The following NTRK3 variants were observed in gnomAD, a reference collection of about 807,000 sequenced individuals.
NTRK3 encodes the protein NT-3 growth factor receptor.
A neutral mutation model predicts 91.7 loss-of-function variants in NTRK3; 24 were observed. That is an observed-to-expected ratio of 0.26 (90% CI 0.19 to 0.37). NTRK3 has a LOEUF of 0.37. Among genes scored for constraint, NTRK3 ranks in the 10% least tolerant of loss-of-function variants. The pLI, the probability that NTRK3 is intolerant of heterozygous loss-of-function variation, is 1.00. For missense variants in NTRK3, 880 were observed against 1,068.9 expected (o/e 0.82, Z 2.46); for synonymous variants, 483 against 404.0 (o/e 1.20, Z -2.34).
chr15:88,030,603 G>A (rs2078444316), intron 14 of NTRK3, among the ~76,000 whole-genome samples: 1 of 152,136 alleles, frequency 6.6e-6, no homozygotes. Flanking sequence ...CACAGATTCT[G>A]TATTTGGGAA....
In NTRK3 at chr15:88,241,313, C is replaced by T. The variant is rs1220978477; in HGVS notation, c.248+14593G>A. On this transcript the variant is annotated intron_variant, in intron 3 of 18. Transcript: ENST00000394480. This position sits in a 1 kb window ranked among gnomAD's most constrained non-coding sequence, Gnocchi z 4.3. Reference sequence around the variant, plus strand: ...TGCCCAGACAGCAGGCAACAGCAGTCCTGAGTGAGTGACAGAAGGAGGGCA... The same window carrying T: ...TGCCCAGACAGCAGGCAACAGCAGTTCTGAGTGAGTGACAGAAGGAGGGCA... Among the ~76,000 whole-genome samples the T allele has an allele frequency of 2.0e-5, 3 of 152,098 alleles. No individual in the cohort carries two copies. Among genetic ancestry groups the T allele is most frequent in the Admixed American group, 2.0e-4 (3 of 15,276 alleles).
chr15:88,151,304 G>T (rs1473580272), intron 5 of NTRK3, among the ~76,000 whole-genome samples: 1 of 152,142 alleles, frequency 6.6e-6, no homozygotes, highest in Admixed American at 6.5e-5. Flanking sequence ...GGGGTCCAGA[G>T]GTAGTAAACA....
intron 15 of NTRK3, among the ~76,000 whole-genome samples, chr15:87,939,047 T>C (rs1403606816): frequency 6.6e-6 from 1 of 152,196 alleles, no homozygotes; most frequent in African/African-American, 2.4e-5. Context: ...TGTATTGTTA[T>C]GCTGCTTTCC....
rs540239958 is a variant in NTRK3, at chr15:88,015,410, C to G, written c.1585+17447G>C. 2.0e-4 allele frequency among the ~76,000 whole-genome samples: 31 copies of G among 152,272 alleles called. 1 individual carries two copies. In the East Asian group the frequency reaches 5.8e-3, roughly 29 times the overall value. On this transcript the variant is annotated intron_variant, in intron 14 of 18. Coordinates refer to ENST00000394480, the Ensembl canonical transcript of NTRK3. ...CCCTGCCCCCACCAAACCCTGCCCC[C>G]TGTCTGCCTCCTGCTACTGCTACGG... is the stretch of plus-strand genomic sequence containing the variant.
intron 13 of NTRK3, among the ~76,000 whole-genome samples, chr15:88,118,960 G>T (rs778491419): frequency 9.9e-5 from 15 of 152,214 alleles, no homozygotes; most frequent in Non-Finnish European, 1.8e-4. Context: ...TGGCCCTGCT[G>T]AACAGGATAG....
chr15:88,176,156 GA>G (rs2045976228), intron 5 of NTRK3, among the ~76,000 whole-genome samples: 2 of 24,240 alleles, frequency 8.3e-5, no homozygotes, highest in East Asian at 1.0e-3. Flanking sequence ...TTTTTTTTTT[GA>G]GACAGAGTCT....
intron 13 of NTRK3, among the ~76,000 whole-genome samples, chr15:88,071,671 C>T (rs766857754): frequency 6.6e-6 from 1 of 152,168 alleles, no homozygotes; most frequent in Non-Finnish European, 1.5e-5. Flanking sequence ...TAGCTAGGAT[C>T]GCTGAGGGAG....
At chr15:88,201,769 T>A (rs112138987) in intron 3 of NTRK3, among the ~76,000 whole-genome samples, 2 of 152,284 alleles carry the variant, frequency 1.3e-5, no homozygotes, top group African/African-American at 4.8e-5. Context: ...GCCACCATGA[T>A]GTTGGGCTTT....
intron 17 of NTRK3, among the ~76,000 whole-genome samples, chr15:87,894,025 T>G (rs1475441135): frequency 3.3e-5 from 5 of 152,236 alleles, no homozygotes; most frequent in Non-Finnish European, 5.9e-5. Context: ...ATAAAGGGTG[T>G]CATTTATGGT....
At position 88,026,242 on chromosome 15, in the gene NTRK3, G is replaced by A. The variant is rs189098248; in HGVS notation, c.1585+6615C>T. 2.2e-4 allele frequency among the ~76,000 whole-genome samples: 33 copies of A among 152,282 alleles called. 1 individual carries two copies. In the East Asian group the frequency reaches 6.2e-3, roughly 28 times the overall value. On this transcript the variant is annotated intron_variant, in intron 14 of 18. Coordinates refer to ENST00000394480, the Ensembl canonical transcript of NTRK3. ...GCCAAGAATGCGCCACTGCACTCCA[G>A]CCTGGGCGACAGAGTGAAACTCCGT... is the stretch of plus-strand genomic sequence containing the variant.
rs371217958 is a variant in NTRK3, at chr15:88,209,555, A to T, written c.249-25256T>A. Among the ~76,000 whole-genome samples, 18 of 152,362 alleles carry T rather than the reference A, an allele frequency of 1.2e-4. No homozygotes were observed. The East Asian group carries it at 2.9e-3, about 24-fold the overall frequency. ...AAGCCAAACAGGTAGCCACAAGGCA[A>T]CACAGAGATAAGCAACAGCAGAAAG... On this transcript the variant is annotated intron_variant, in intron 3 of 18. Coordinates refer to ENST00000394480, the Ensembl canonical transcript of NTRK3.
At chr15:87,901,690 G>A (rs528557525) in intron 17 of NTRK3, among the ~76,000 whole-genome samples, 5 of 151,058 alleles carry the variant, frequency 3.3e-5, no homozygotes, top group African/African-American at 4.9e-5. Flanking sequence ...CTCCTAAAAC[G>A]CATTGGCTAT....
chr15:88,214,033 C>A (rs931636554), intron 3 of NTRK3, among the ~76,000 whole-genome samples: 5 of 151,968 alleles, frequency 3.3e-5, no homozygotes, highest in Admixed American at 2.6e-4. Context: ...AAGCCAAGAT[C>A]ATGCCACTGC....
intron 13 of NTRK3, among the ~76,000 whole-genome samples, chr15:88,086,444 C>G (rs1295924774): frequency 1.3e-5 from 2 of 151,082 alleles, no homozygotes; most frequent in African/African-American, 4.9e-5. Context: ...ATAACATGGT[C>G]AAATGATAGT....
intron 14 of NTRK3, among the ~76,000 whole-genome samples, chr15:87,968,015 G>A (rs2072935952): frequency 1.3e-5 from 2 of 152,172 alleles, no homozygotes; most frequent in Admixed American, 6.5e-5. Context: ...AAGGTCCCTG[G>A]TGGGCTCAAG....
chr15:87,943,691 C>T (rs1348370391), intron 14 of NTRK3, among the ~76,000 whole-genome samples: 1 of 152,006 alleles, frequency 6.6e-6, no homozygotes, highest in Non-Finnish European at 1.5e-5. Context: ...CTCCTTCCCT[C>T]GGCAGCAAGA....
At chr15:87,973,255 C>A (rs2073415564) in intron 14 of NTRK3, among the ~76,000 whole-genome samples, 1 of 152,140 alleles carries the variant, frequency 6.6e-6, no homozygotes, top group Admixed American at 6.5e-5. Flanking sequence ...AATCTCTTCC[C>A]TTATCAAGAT....
intron 14 of NTRK3, among the ~76,000 whole-genome samples, chr15:88,030,986 G>A (rs1410288317): frequency 6.6e-6 from 1 of 152,158 alleles, no homozygotes; most frequent in Non-Finnish European, 1.5e-5. Context: ...GTATTGGCTA[G>A]TGTTCCTTAG....
At chr15:87,866,987 A>G (rs1398424511) in exon 19 of NTRK3, 2 of 218,536 alleles carry the variant, frequency 9.2e-6, no homozygotes, top group East Asian at 6.7e-5. Context: ...ATTTATCCAT[A>G]TAGTTAACAG....
Sources: gnomAD v4.1 joint callset for allele counts (sites outside exome capture counted in the v4.1 genomes callset) on GRCh38, gnomAD v4.1.1 for gene constraint, Gnocchi (gnomAD v3.1) non-coding constraint, MANE v1.5 for transcripts, NCBI Gene and HGNC (gene_info 2026-07-23, HGNC 2026-07-21) for gene names.